The following NAALADL2 variants were observed in gnomAD, a reference collection of about 807,000 sequenced individuals.
NAALADL2 encodes inactive N-acetylated-alpha-linked acidic dipeptidase-like protein 2.
NAALADL2 carries 76 observed loss-of-function variants against 87.2 expected under a neutral mutation model. The ratio of observed to expected loss-of-function variants is 0.87; its 90% confidence interval spans 0.72 to 1.05. The LOEUF (loss-of-function observed/expected upper bound fraction) is 1.05. NAALADL2 is among the 50% of genes least tolerant of loss of function. The probability of loss-of-function intolerance (pLI) is 0.00; values close to 1 mark genes in which losing one functional copy is unlikely to be tolerated. For synonymous variants in NAALADL2, 354 were observed against 331.0 expected, an observed-to-expected ratio of 1.07 and a Z score of -0.75; for missense variants, 1,089 against 945.8, an observed-to-expected ratio of 1.15 and a Z score of -1.99.
intron 2 of NAALADL2, among the ~76,000 whole-genome samples, chr3:174,673,192 T>C (rs979764521): frequency 7.9e-5 from 12 of 152,104 alleles, no homozygotes; most frequent in Admixed American, 7.9e-4. Flanking sequence ...AAATGCTTTT[T>C]ACAAGCCCAC....
intron 2 of NAALADL2, among the ~76,000 whole-genome samples, chr3:175,175,236 A>T (rs1458831236): frequency 7.2e-5 from 11 of 152,184 alleles, no homozygotes; most frequent in African/African-American, 2.6e-4. Flanking sequence ...GACAGGATTT[A>T]GTGTGTGGAA....
intron 2 of NAALADL2, among the ~76,000 whole-genome samples, chr3:174,677,772 A>G (rs535364806): frequency 6.6e-6 from 1 of 152,118 alleles, no homozygotes; most frequent in South Asian, 2.1e-4. Flanking sequence ...CTTATCTAAC[A>G]TGCATTTTCT....
At chr3:175,558,214 A>G (rs112717124) in intron 9 of NAALADL2, among the ~76,000 whole-genome samples, 17,981 of 146,194 alleles carry the variant, frequency 0.12, 1,354 homozygotes, top group Middle Eastern at 0.17. Flanking sequence ...AAAAAAAAAA[A>G]AAAGAAAGAA....
chr3:175,414,052 C>T (rs1714124597), intron 5 of NAALADL2, among the ~76,000 whole-genome samples: 1 of 152,094 alleles, frequency 6.6e-6, no homozygotes, highest in African/African-American at 2.4e-5. Context: ...CATTTTTCCC[C>T]ATTGGCTAAA....
At chr3:174,561,712 C>T (rs1713641692) in intron 2 of NAALADL2, among the ~76,000 whole-genome samples, 1 of 152,074 alleles carries the variant, frequency 6.6e-6, no homozygotes, top group Non-Finnish European at 1.5e-5. Flanking sequence ...ACTAGAGATG[C>T]CAAGCAGAGA....
intron 1 of NAALADL2, among the ~76,000 whole-genome samples, chr3:175,022,642 T>A (rs1048288421): frequency 3.6e-4 from 55 of 152,092 alleles, no homozygotes; most frequent in African/African-American, 1.2e-3. Flanking sequence ...TAATCCTGTT[T>A]GTGATCCAGT....
At chr3:175,121,420 G>A (rs1452134137) in intron 2 of NAALADL2, among the ~76,000 whole-genome samples, 1 of 151,846 alleles carries the variant, frequency 6.6e-6, no homozygotes, top group Non-Finnish European at 1.5e-5. Flanking sequence ...GCAAACTAAT[G>A]GATAGGGTGA....
intron 1 of NAALADL2, among the ~76,000 whole-genome samples, chr3:174,911,147 T>C (rs2108300805): frequency 6.6e-6 from 1 of 152,250 alleles, no homozygotes; most frequent in African/African-American, 2.4e-5. Context: ...TTCTGATAGC[T>C]ATTAGTTTTG....
In NAALADL2 at chr3:175,469,338, A is replaced by C. The variant is rs537362113; in HGVS notation, c.1533+2154A>C. Reference sequence around the variant, plus strand: ...CATGTCAAATGTAATCCTGAGAATGAAAGAGTTTATGTTAGACTGAAACTA... The same window carrying C: ...CATGTCAAATGTAATCCTGAGAATGCAAGAGTTTATGTTAGACTGAAACTA... On this transcript the variant is annotated intron_variant, in intron 8 of 13. Coordinates refer to ENST00000454872, the MANE Select transcript of NAALADL2 (RefSeq NM_207015.3). Among the ~76,000 whole-genome samples, 4 of 150,398 alleles carry C rather than the reference A, an allele frequency of 2.7e-5. No individual in the cohort carries two copies. In the East Asian group the frequency reaches 7.7e-4, roughly 29 times the overall value.
chr3:175,029,247 A>C (rs928246938), intron 1 of NAALADL2, among the ~76,000 whole-genome samples: 3 of 152,066 alleles, frequency 2.0e-5, no homozygotes, highest in African/African-American at 7.2e-5. Context: ...CCATGGCTGT[A>C]TCTCATTCTT....
At chr3:174,606,934 C>T (rs1484930414) in intron 2 of NAALADL2, among the ~76,000 whole-genome samples, 6 of 152,122 alleles carry the variant, frequency 3.9e-5, no homozygotes, top group Non-Finnish European at 1.5e-5. Flanking sequence ...GGGTTACCCA[C>T]AAAGGGAAGC....
intron 1 of NAALADL2, among the ~76,000 whole-genome samples, chr3:174,486,639 T>C (rs1333835523): frequency 6.6e-6 from 1 of 152,046 alleles, no homozygotes; most frequent in Non-Finnish European, 1.5e-5. Flanking sequence ...AGAGGAGTTG[T>C]TGATTTTTCA....
At chr3:175,111,161 C>T (rs1176602237) in intron 2 of NAALADL2, among the ~76,000 whole-genome samples, 1 of 151,542 alleles carries the variant, frequency 6.6e-6, no homozygotes, top group Non-Finnish European at 1.5e-5. Context: ...TGTCCAGGTG[C>T]GGGGAAGAAG....
At chr3:174,821,250 A>G (rs1721383985) in intron 3 of NAALADL2, among the ~76,000 whole-genome samples, 1 of 152,164 alleles carries the variant, frequency 6.6e-6, no homozygotes, top group Admixed American at 6.5e-5. Flanking sequence ...TACATTAGGA[A>G]ATATATTTCA....
intron 5 of NAALADL2, among the ~76,000 whole-genome samples, chr3:175,408,578 A>G (rs1419817628): frequency 6.6e-6 from 1 of 152,070 alleles, no homozygotes. Flanking sequence ...ATAAAATTTC[A>G]AAAGAATAAA....
intron 1 of NAALADL2, among the ~76,000 whole-genome samples, chr3:175,023,244 GATAA>G (rs5854606): frequency 0.16 from 23,814 of 151,826 alleles, 2,332 homozygotes; most frequent in African/African-American, 0.26. Flanking sequence ...ATCCATTGGG[GATAA>G]ATAAATAGTA....
intron 11 of NAALADL2, among the ~76,000 whole-genome samples, chr3:175,661,745 A>C (rs1243312142): frequency 1.3e-5 from 2 of 152,006 alleles, no homozygotes; most frequent in Non-Finnish European, 2.9e-5. Flanking sequence ...CTTATTGAAA[A>C]TATTGTCTTT....
intron 6 of NAALADL2, among the ~76,000 whole-genome samples, chr3:175,454,839 G>A (rs1722090591): frequency 6.6e-6 from 1 of 151,960 alleles, no homozygotes; most frequent in Non-Finnish European, 1.5e-5. Context: ...CAGCAAATAT[G>A]GACTTGGAAA....
At chr3:175,630,771 T>C (rs1344549869) in intron 11 of NAALADL2, among the ~76,000 whole-genome samples, 1 of 151,628 alleles carries the variant, frequency 6.6e-6, no homozygotes, top group Non-Finnish European at 1.5e-5. Flanking sequence ...TAGTGTGATA[T>C]ATAAATAACA....
Sources: gnomAD v4.1 joint callset for allele counts (sites outside exome capture counted in the v4.1 genomes callset) on GRCh38, gnomAD v4.1.1 for gene constraint, MANE v1.5 for transcripts, NCBI Gene and HGNC (gene_info 2026-07-23, HGNC 2026-07-21) for gene names.